The following AGBL5 variants were observed in gnomAD, a reference collection of about 807,000 sequenced individuals.
AGBL5 encodes cytosolic carboxypeptidase-like protein 5.
In AGBL5, 51 loss-of-function variants were observed where a neutral mutation model predicts 88.0. The observed-to-expected ratio is 0.58, with a 90% CI of 0.46 to 0.73. The LOEUF is 0.73. Ranked by LOEUF, AGBL5 falls within the 30% of genes least tolerant of loss-of-function variation. The probability of loss-of-function intolerance (pLI) is 0.00; values close to 1 mark genes in which losing one functional copy is unlikely to be tolerated. For missense variants in AGBL5, 1,031 were observed against 1,162.2 expected, an observed-to-expected ratio of 0.89 and a Z score of 1.64; for synonymous variants, 446 against 438.8, an observed-to-expected ratio of 1.02 and a Z score of -0.21.
intron 11 of AGBL5, among the ~76,000 whole-genome samples, chr2:27,064,897 G>A (rs1288239302): frequency 1.3e-5 from 2 of 151,674 alleles, no homozygotes; most frequent in Non-Finnish European, 2.9e-5. Flanking sequence ...GGGATTACAG[G>A]CGCTCACCAC....
At chr2:27,051,045 A>C (rs1226881828), upstream of AGBL5, 1 of 152,200 alleles carries the variant, frequency 6.6e-6, no homozygotes, top group Non-Finnish European at 1.5e-5. Context: ...CGTGTTTTAG[A>C]ATGTTTTCTG....
intron 11 of AGBL5, 186 bp downstream of exon 11, chr2:27,059,590 ATT>A (rs1668609572): frequency 7.2e-7 from 1 of 1,391,694 alleles, no homozygotes; most frequent in South Asian, 1.4e-5. Flanking sequence ...CCAGAGCGGT[ATT>A]GTGTGTGGCC....
At chr2:27,052,615 G>A (rs1218016781) in intron 1 of AGBL5, 1 of 177,074 alleles carries the variant, frequency 5.6e-6, no homozygotes, top group Non-Finnish European at 1.2e-5. Flanking sequence ...GGGCTGCAAA[G>A]CAGCTGAGAG....
intron 12 of AGBL5, 181 bp downstream of exon 12, chr2:27,067,827 T>C (rs1487487081): frequency 4.1e-6 from 3 of 724,744 alleles, no homozygotes; most frequent in Non-Finnish European, 7.5e-6. Flanking sequence ...AATAAAACAA[T>C]AGTTAACATT....
intron 12 of AGBL5, 129 bp from the exon 13 acceptor site, chr2:27,068,503 C>A: frequency 1.4e-6 from 1 of 719,110 alleles, no homozygotes; most frequent in Non-Finnish European, 2.3e-6. Flanking sequence ...ATGCACAAGA[C>A]TACTCCCCAC....
In AGBL5 at chr2:27,054,780, T is replaced by G. The variant is rs1427890954; in HGVS notation, c.702T>G (p.Pro234=). 6.2e-7 allele frequency: 1 copy of G among 1,613,178 alleles called. No individual in the cohort carries two copies. Among genetic ancestry groups the G allele is most frequent in the Non-Finnish European group, 8.5e-7 (1 of 1,179,912 alleles). Residue 234 remains proline, a synonymous_variant, in exon 5 of 15, where the codon CCT becomes CCG. Transcript: ENST00000360131. ...AGCTATTTCCTGATACCAGCACCCCTCGACCATTCCGTTTCGCAGGCAAGA... is the reference window on the plus strand; with the variant it reads ...AGCTATTTCCTGATACCAGCACCCCGCGACCATTCCGTTTCGCAGGCAAGA... ...LEQLFPDTST[P]RPFRFAGKRI... is the part of the protein sequence containing the mutation.
At chr2:27,062,875 A>AC (rs751148147) in intron 11 of AGBL5, 8 of 152,264 alleles carry the variant, frequency 5.3e-5, no homozygotes, top group Non-Finnish European at 8.8e-5. Flanking sequence ...CAAGCCCGTC[A>AC]CCAAGGATAT....
At position 27,053,412 on chromosome 2, in the gene AGBL5, T is replaced by C. The variant is rs369899651; in HGVS notation, c.226T>C (p.Tyr76His). 1.3e-5 allele frequency: 21 copies of C among 1,614,004 alleles called. No individual in the cohort carries two copies. Among genetic ancestry groups the C allele is most frequent in the Non-Finnish European group, 1.7e-5 (20 of 1,180,024 alleles). Reference sequence around the variant, plus strand: ...TACTCTGGTCCTCAGGTCATGGTTCTACTTCAGCGTCCGGGGAGGAATGCC... The same window carrying C: ...TACTCTGGTCCTCAGGTCATGGTTCCACTTCAGCGTCCGGGGAGGAATGCC... Reference protein sequence around the residue: ...EFENGNRSWFYFSVRGGMPGK... With the variant: ...EFENGNRSWFHFSVRGGMPGK... The change falls in exon 3 of 15, where the codon TAC becomes CAC. Residue 76 changes from tyrosine (Y) to histidine (H), a missense_variant. Transcript: ENST00000360131. This position sits in a 1 kb window ranked among gnomAD's most constrained non-coding sequence, Gnocchi z 4.9.
chr2:27,051,227 A>G (rs1170372798), upstream of AGBL5, among the ~76,000 whole-genome samples: 1 of 152,192 alleles, frequency 6.6e-6, no homozygotes, highest in Non-Finnish European at 1.5e-5. Flanking sequence ...GGATTAGCTC[A>G]AATGGTAGAG....
Position 27,057,804 on chromosome 2 carries a change from G to A in AGBL5, c.1671+366G>A, listed in dbSNP as rs1272719385. On this transcript the variant is annotated intron_variant, in intron 9 of 14. Transcript: ENST00000360131. Reference sequence around the variant, plus strand: ...CTAATAGAAAGAGCTGGCCAGGTGCGGTGGCTCATGCCTATAATCCCAGCA... The same window carrying A: ...CTAATAGAAAGAGCTGGCCAGGTGCAGTGGCTCATGCCTATAATCCCAGCA... Among the ~76,000 whole-genome samples the A allele has an allele frequency of 5.3e-5, 8 of 152,164 alleles. No individual in the cohort carries two copies. The South Asian group carries it at 1.0e-3, about 20-fold the overall frequency.
chr2:27,053,743 G>A lies in AGBL5; in HGVS notation c.388-153G>A. ...CCAAGATGAGCCCCTGCCTCAGGAA[G>A]CCTAGAAGGAGCCACTTTTCATATA... On this transcript the variant is annotated intron_variant, in intron 3 of 14. Coordinates refer to ENST00000360131, the MANE Select transcript of AGBL5 (RefSeq NM_021831.6). This position sits in a 1 kb window ranked among gnomAD's most constrained non-coding sequence, Gnocchi z 4.9. 10 of 1,371,158 alleles carry A rather than the reference G, an allele frequency of 7.3e-6. No homozygotes were observed. Among genetic ancestry groups the A allele is most frequent in the Non-Finnish European group, 9.8e-6 (10 of 1,018,332 alleles). The allele number at this position is 1,371,158 out of a possible 1,614,324, so 84.9% of individuals were successfully genotyped here. A position where few individuals can be genotyped will look rare whatever the true frequency, so the allele number is the denominator to read the frequency against.
At position 27,053,827 on chromosome 2, in the gene AGBL5, G is replaced by A. The variant is rs554773967; in HGVS notation, c.388-69G>A. 6.5e-6 allele frequency: 10 copies of A among 1,542,656 alleles called. No individual in the cohort carries two copies. Among genetic ancestry groups the A allele is most frequent in the Admixed American group, 3.8e-5 (2 of 52,582 alleles). ...GATAAGGGTGTGAGGTCAGTTCCTG[G>A]TGGTCCCAGTAGGAGCTCAGTTCTG... On this transcript the variant is annotated intron_variant, in intron 3 of 14. Transcript: ENST00000360131. This position sits in a 1 kb window ranked among gnomAD's most constrained non-coding sequence, Gnocchi z 4.9.
rs35804461 is a variant in AGBL5, at chr2:27,059,261, G to T, written c.1946G>T (p.Gly649Val). The change falls in exon 11 of 15, where the codon GGT becomes GTT. Residue 649 changes from glycine to valine, a missense_variant. Gly to Val is a moderately radical substitution (Grantham distance 109). Around this residue, in one of 2 missense-constraint regions of AGBL5, gnomAD observed 491 missense variants for 484.0 expected, o/e 1.01. Transcript: ENST00000360131. ...AGTTTTAGCACCGGCACAAGTGCCG[G>T]TGGTAGCAGCAGCAGCCAACAAAAT... is the stretch of plus-strand genomic sequence containing the variant. Reference protein sequence around the residue: ...ARSFSTGTSAGGSSSSQQNSP... With the variant: ...ARSFSTGTSAVGSSSSQQNSP... 2 of 1,614,236 alleles carry T rather than the reference G, an allele frequency of 1.2e-6. No homozygotes were observed. The highest frequency in any genetic ancestry group is 1.1e-5 in the South Asian group (1 of 91,088).
At chr2:27,062,119 CTTTTT>C (rs11295283) in intron 11 of AGBL5, among the ~76,000 whole-genome samples, 3 of 88,836 alleles carry the variant, frequency 3.4e-5, no homozygotes, top group Non-Finnish European at 4.5e-5. Flanking sequence ...CCATCTAGGC[CTTTTT>C]TTTTTTTTTT....
At chr2:27,068,585 C>T (rs777864183) in intron 12 of AGBL5, 47 bp from the exon 13 acceptor site, 2 of 1,552,832 alleles carry the variant, frequency 1.3e-6, no homozygotes, top group African/African-American at 1.4e-5. Flanking sequence ...GAAGTTACCT[C>T]CTCTTCTCTG....
chr2:27,067,583 T>G lies in AGBL5; in HGVS notation c.2179T>G (p.Ser727Ala). ...CGCTCCATCCCCAGCTCCTACTAGTTCTGGCCCAGCCTCCTCACACAAGCT... is the reference window on the plus strand; with the variant it reads ...CGCTCCATCCCCAGCTCCTACTAGTGCTGGCCCAGCCTCCTCACACAAGCT... ...SLAPSPAPTS[S>A]GPASSHKLGS... Residue 727 changes from serine to alanine, a missense_variant, in exon 12 of 15, where the codon TCT becomes GCT. By Grantham distance (99) the Ser-to-Ala change is moderately conservative. Around this residue, in one of 2 missense-constraint regions of AGBL5, gnomAD observed 491 missense variants for 484.0 expected, o/e 1.01. Coordinates refer to ENST00000360131, the MANE Select transcript of AGBL5 (RefSeq NM_021831.6). 6.2e-7 allele frequency: 1 copy of G among 1,614,042 alleles called. No homozygotes were observed. Among genetic ancestry groups the G allele is most frequent in the Non-Finnish European group, 8.5e-7 (1 of 1,179,984 alleles).
chr2:27,058,544 A>C lies in AGBL5; in HGVS notation c.1816A>C (p.Thr606Pro). 1 of 1,614,146 alleles carries C rather than the reference A, an allele frequency of 6.2e-7. No individual in the cohort carries two copies. Among genetic ancestry groups the C allele is most frequent in the Non-Finnish European group, 8.5e-7 (1 of 1,180,022 alleles). Residue 606 changes from threonine to proline, a missense_variant, in exon 10 of 15, where the codon ACT becomes CCT. Thr to Pro is a conservative substitution (Grantham distance 38, BLOSUM62 -1). Transcript: ENST00000360131. ...HVRNSRGLSSTLNVGVNKKRG... is the reference protein window; with the variant it reads ...HVRNSRGLSSPLNVGVNKKRG... ...ACGCAACAGCCGAGGCCTAAGCAGC[A>C]CTCTGAATGTGGGTGTCAACAAGAA...
At chr2:27,051,600 C>T (rs1572808109), upstream of AGBL5, 7 of 152,272 alleles carry the variant, frequency 4.6e-5, no homozygotes, top group Admixed American at 4.6e-4. Flanking sequence ...CCAATGGTAG[C>T]GAGCTTTACT....
At chr2:27,065,596 T>G (rs1572832467) in intron 11 of AGBL5, among the ~76,000 whole-genome samples, 1 of 152,244 alleles carries the variant, frequency 6.6e-6, no homozygotes, top group Non-Finnish European at 1.5e-5. Flanking sequence ...GAAAAAATAT[T>G]AGCTTATGTT....
Sources: allele counts gnomAD v4.1 joint callset (sites outside exome capture counted in the v4.1 genomes callset), GRCh38; gene constraint gnomAD v4.1.1; regional missense constraint gnomAD v4.1.1; non-coding constraint Gnocchi (gnomAD v3.1); transcripts MANE v1.5; gene names NCBI Gene and HGNC (gene_info 2026-07-23, HGNC 2026-07-21).